ANKRD13B: variants seen among roughly 807,000 people sequenced by gnomAD.
ANKRD13B encodes ankyrin repeat domain 13B.
A neutral mutation model predicts 74.4 loss-of-function variants in ANKRD13B; 33 were observed. The observed-to-expected ratio is 0.44, with a 90% CI of 0.34 to 0.59. The LOEUF (loss-of-function observed/expected upper bound fraction) is 0.59, where lower values mean the gene tolerates loss of function less well. Ranked by LOEUF, ANKRD13B falls within the 20% of genes least tolerant of loss-of-function variation. ANKRD13B has a pLI of 0.02. For missense variants in ANKRD13B, 676 were observed against 877.9 expected (o/e 0.77, Z 2.91); for synonymous variants, 341 against 362.9 (o/e 0.94, Z 0.68).
Position 29,609,254 on chromosome 17 carries a change from C to G in ANKRD13B, c.734C>G (p.Thr245Ser). Residue 245 changes from threonine (T) to serine (S), a missense_variant, in exon 6 of 15, where the codon ACC becomes AGC. Thr to Ser is a moderately conservative substitution (Grantham distance 58, BLOSUM62 1). Around this residue, in one of 4 missense-constraint regions of ANKRD13B, gnomAD observed 328 missense variants for 518.4 expected, o/e 0.63. Transcript: ENST00000394859. This position sits in a 1 kb window ranked among gnomAD's most constrained non-coding sequence, Gnocchi z 4.0. ...CCCGTCGTCACCACTCAGCTTGACA[C>G]CAAGAATATCTCCTTTGAGAGGTGG... The part of the protein sequence containing the change: ...TAPVVTTQLD[T>S]KNISFERNKT... 1 of 1,613,022 alleles carries G rather than the reference C, an allele frequency of 6.2e-7. No individual in the cohort carries two copies. Among genetic ancestry groups the G allele is most frequent in the Non-Finnish European group, 8.5e-7 (1 of 1,179,630 alleles).
Position 29,593,539 on chromosome 17 carries a change from C to G in ANKRD13B, c.-83C>G. On this transcript the variant is annotated 5_prime_UTR_variant, in exon 1 of 15. Coordinates refer to ENST00000394859, the MANE Select transcript of ANKRD13B (RefSeq NM_152345.5). ...CCCGCGAGCAGGCAGCGCCGGCCCC[C>G]CGCCCCGCGGCCCCGGGCCCCGGCT... 1.9e-6 allele frequency: 1 copy of G among 539,350 alleles called. No individual in the cohort carries two copies. The highest frequency in any genetic ancestry group is 2.4e-6 in the Non-Finnish European group (1 of 417,632). 33.4% of individuals were successfully genotyped at this position (539,350 alleles called of 1,614,324 possible).
intron 1 of ANKRD13B, among the ~76,000 whole-genome samples, chr17:29,598,290 CT>C (rs1435298927): frequency 6.6e-6 from 1 of 152,112 alleles, no homozygotes; most frequent in African/African-American, 2.4e-5. Context: ...TATAAATAAT[CT>C]TAAATTATTT....
chr17:29,611,817 G>T lies in ANKRD13B; in HGVS notation c.970-59G>T. On this transcript the variant is annotated intron_variant, in intron 9 of 14. Transcript: ENST00000394859. This position sits in a 1 kb window ranked among gnomAD's most constrained non-coding sequence, Gnocchi z 4.3. ...GCTTGGGGGCCTTGTGACAACAAAT[G>T]AGTTGGCCTGGCATTAGGAACTGAG... is the stretch of plus-strand genomic sequence containing the variant. 1 of 1,564,822 alleles carries T rather than the reference G, an allele frequency of 6.4e-7. No individual in the cohort carries two copies. The highest frequency in any genetic ancestry group is 1.2e-5 in the South Asian group (1 of 83,538).
chr17:29,593,882 C>T (rs2033856002), intron 1 of ANKRD13B, 147 bp downstream of exon 1: 3 of 403,924 alleles, frequency 7.4e-6, no homozygotes, highest in South Asian at 7.0e-5. Context: ...TGCTTGTTGA[C>T]CGGGAAAGGG....
At chr17:29,596,464 C>T (rs2033960208) in intron 1 of ANKRD13B, among the ~76,000 whole-genome samples, 1 of 152,222 alleles carries the variant, frequency 6.6e-6, no homozygotes, top group African/African-American at 2.4e-5. Flanking sequence ...GGGCATGGTC[C>T]TGGTTCTGGA....
In ANKRD13B at chr17:29,612,258, T is replaced by C; in HGVS notation, c.1243T>C (p.Phe415Leu). Residue 415 changes from phenylalanine (F) to leucine (L), a missense_variant, in exon 11 of 15, where the codon TTC becomes CTC. By Grantham distance (22) the Phe-to-Leu change is conservative. Around this residue, in one of 4 missense-constraint regions of ANKRD13B, gnomAD observed 328 missense variants for 518.4 expected, o/e 0.63. Coordinates refer to ENST00000394859, the MANE Select transcript of ANKRD13B (RefSeq NM_152345.5). This position sits in a 1 kb window ranked among gnomAD's most constrained non-coding sequence, Gnocchi z 6.1. ...DFITLRLPPG[F>L]PVKIEIPIFH... Reference sequence around the variant, plus strand: ...CATCACCCTGCGTCTGCCTCCTGGCTTCCCAGTTAAGATTGGTGAGACCGC... The same window carrying C: ...CATCACCCTGCGTCTGCCTCCTGGCCTCCCAGTTAAGATTGGTGAGACCGC... 6.2e-7 allele frequency: 1 copy of C among 1,614,042 alleles called. No homozygotes were observed. Among genetic ancestry groups the C allele is most frequent in the Non-Finnish European group, 8.5e-7 (1 of 1,180,012 alleles).
chr17:29,606,939 A>G (rs961130579), intron 1 of ANKRD13B, among the ~76,000 whole-genome samples: 1 of 151,420 alleles, frequency 6.6e-6, no homozygotes, highest in East Asian at 2.0e-4. Flanking sequence ...AATCCCAGCT[A>G]CTTGGGAGGC....
chr17:29,599,431 G>A lies in ANKRD13B; in HGVS notation c.114+5696G>A, dbSNP rs547078769. ...GTAGGGGGCTGCCAGTGAGAGATGGGGGGGCAACAGCTGCAAGGTAGTGGA... is the reference window on the plus strand; with the variant it reads ...GTAGGGGGCTGCCAGTGAGAGATGGAGGGGCAACAGCTGCAAGGTAGTGGA... On this transcript the variant is annotated intron_variant, in intron 1 of 14. Coordinates refer to ENST00000394859, the MANE Select transcript of ANKRD13B (RefSeq NM_152345.5). 5 of 152,336 alleles carry A rather than the reference G, an allele frequency of 3.3e-5. No homozygotes were observed. The East Asian group carries it at 9.7e-4, about 29-fold the overall frequency. The allele number at this position is 152,336 out of a possible 1,614,324, so 9.4% of individuals were successfully genotyped here.
In ANKRD13B at chr17:29,612,233, C is replaced by T. The variant is rs961940263; in HGVS notation, c.1218C>T (p.Phe406=). 1.2e-6 allele frequency: 2 copies of T among 1,614,026 alleles called. No individual in the cohort carries two copies. Among genetic ancestry groups the T allele is most frequent in the Non-Finnish European group, 8.5e-7 (1 of 1,180,038 alleles). The change falls in exon 11 of 15, where the codon TTC becomes TTT. Residue 406 remains phenylalanine, a synonymous_variant. Transcript: ENST00000394859. This position sits in a 1 kb window ranked among gnomAD's most constrained non-coding sequence, Gnocchi z 6.1. The part of the protein sequence containing the change: ...SNALFAKLRD[F]ITLRLPPGFP... ...CGCTTTTTGCCAAGCTCCGGGACTT[C>T]ATCACCCTGCGTCTGCCTCCTGGCT...
At chr17:29,610,048 C>T (rs565799040) in intron 7 of ANKRD13B, among the ~76,000 whole-genome samples, 10 of 151,926 alleles carry the variant, frequency 6.6e-5, no homozygotes, top group African/African-American at 1.2e-4. Flanking sequence ...AAAAATTAGC[C>T]GGGTGTGGTA....
chr17:29,605,352 A>G (rs1390668719), intron 1 of ANKRD13B, among the ~76,000 whole-genome samples: 1 of 152,036 alleles, frequency 6.6e-6, no homozygotes, highest in African/African-American at 2.4e-5. Context: ...TGGACTTCTA[A>G]AAACAGCTAT....
At chr17:29,593,895 A>ATGGGAGCGGGCTCTGCCCGC in intron 1 of ANKRD13B, 160 bp downstream of exon 1, 1 of 315,506 alleles carries the variant, frequency 3.2e-6, no homozygotes, top group Non-Finnish European at 5.6e-6. Context: ...GGAAAGGGTG[A>ATGGGAGCGGGCTCTGCCCGC]TCCCCTCCGG....
Position 29,613,394 on chromosome 17 carries a change from G to C in ANKRD13B, c.1693G>C (p.Ala565Pro). The C allele has an allele frequency of 6.7e-7, 1 of 1,488,322 alleles. No individual in the cohort carries two copies. Among genetic ancestry groups the C allele is most frequent in the Non-Finnish European group, 8.9e-7 (1 of 1,124,526 alleles). 92.2% of individuals were successfully genotyped at this position (1,488,322 alleles called of 1,614,324 possible). A position where few individuals can be genotyped will look rare whatever the true frequency, so the allele number is the denominator to read the frequency against. ...PTPQRQPAPPASVPSPRPSSG... is the reference protein window; with the variant it reads ...PTPQRQPAPPPSVPSPRPSSG... ...GCCGCAGCGCCAGCCTGCGCCCCCG[G>C]CGTCAGTGCCCAGCCCTCGGCCCAG... The change falls in exon 15 of 15, where the codon GCG (alanine) becomes CCG (proline). Residue 565 changes from alanine to proline, a missense_variant. By Grantham distance (27) the Ala-to-Pro change is conservative. Around this residue, in one of 4 missense-constraint regions of ANKRD13B, gnomAD observed 108 missense variants for 90.3 expected, o/e 1.20. Transcript: ENST00000394859.
Position 29,612,481 on chromosome 17 carries a change from G to T in ANKRD13B, c.1338G>T (p.Val446=), listed in dbSNP as rs763633319. 1.3e-6 allele frequency: 2 copies of T among 1,595,496 alleles called. No individual in the cohort carries two copies. Among genetic ancestry groups the T allele is most frequent in the African/African-American group, 2.7e-5 (2 of 74,548 alleles). Reference sequence around the variant, plus strand: ...GCTGCGACGAACCGGTGCCATCGGTGCGAGGCAGCCCCAGCAGCGAGACGC... The same window carrying T: ...GCTGCGACGAACCGGTGCCATCGGTTCGAGGCAGCCCCAGCAGCGAGACGC... ...LNGCDEPVPS[V]RGSPSSETPS... Residue 446 remains valine, a synonymous_variant, in exon 12 of 15, where the codon GTG becomes GTT. Coordinates refer to ENST00000394859, the MANE Select transcript of ANKRD13B (RefSeq NM_152345.5). The surrounding 1 kb of genome is among the most constrained non-coding windows in gnomAD (Gnocchi z 6.1).
intron 1 of ANKRD13B, among the ~76,000 whole-genome samples, chr17:29,595,924 C>T (rs1458737632): frequency 2.0e-5 from 3 of 152,188 alleles, no homozygotes; most frequent in Non-Finnish European, 4.4e-5. Context: ...TGTACACTGC[C>T]TACTCCCCAG....
At chr17:29,596,459 T>C (rs1230648861) in intron 1 of ANKRD13B, among the ~76,000 whole-genome samples, 3 of 152,220 alleles carry the variant, frequency 2.0e-5, no homozygotes, top group Non-Finnish European at 4.4e-5. Flanking sequence ...CAGCTGGGCA[T>C]GGTCCTGGTT....
intron 1 of ANKRD13B, among the ~76,000 whole-genome samples, chr17:29,599,187 TGGAGAACGTTCCG>T (rs2034064874): frequency 6.6e-6 from 1 of 152,142 alleles, no homozygotes; most frequent in East Asian, 1.9e-4. Context: ...TGGAGGATCC[TGGAGAACGTTCCG>T]GGGAAGGCCA....
chr17:29,604,870 G>A (rs894585104), intron 1 of ANKRD13B, among the ~76,000 whole-genome samples: 2 of 152,176 alleles, frequency 1.3e-5, no homozygotes, highest in East Asian at 3.8e-4. Flanking sequence ...CTGTTAGGGT[G>A]GGTCTAGGTG....
chr17:29,593,170 C>T lies in ANKRD13B; in HGVS notation c.-452C>T, dbSNP rs923515662. On this transcript the variant is annotated 5_prime_UTR_variant, in exon 1 of 15. Transcript: ENST00000394859. ...ATCCCCACATCCCCGTATCCCGCGC[C>T]GGCCGCTCGGGCTGAGGGCCGGGCT... 8.6e-5 allele frequency among the ~76,000 whole-genome samples: 13 copies of T among 151,820 alleles called. No homozygotes were observed. Among genetic ancestry groups the T allele is most frequent in the Admixed American group, 5.2e-4 (8 of 15,254 alleles).
Sources: gnomAD v4.1 joint callset for allele counts (sites outside exome capture counted in the v4.1 genomes callset) on GRCh38, gnomAD v4.1.1 for gene constraint, gnomAD v4.1.1 regional missense constraint, Gnocchi (gnomAD v3.1) non-coding constraint, MANE v1.5 for transcripts, NCBI Gene and HGNC (gene_info 2026-07-23, HGNC 2026-07-21) for gene names.